RMI1: variants seen among roughly 807,000 people sequenced by gnomAD.
RMI1 encodes the protein RecQ mediated genome instability 1, also known as recQ-mediated genome instability protein 1.
Under a neutral mutation model 46.7 loss-of-function variants are expected in RMI1, and 36 were observed. The ratio of observed to expected loss-of-function variants is 0.77; its 90% CI spans 0.59 to 1.02. The LOEUF is 1.02. Ranked by LOEUF, RMI1 falls within the 50% of genes least tolerant of loss-of-function variation. The pLI is 0.00. For missense variants in RMI1, 676 were observed against 713.7 expected, an observed-to-expected ratio of 0.95 and a Z score of 0.60; for synonymous variants, 250 against 252.9, an observed-to-expected ratio of 0.99 and a Z score of 0.11.
chr9:84,001,132 A>G lies in RMI1; in HGVS notation c.146A>G (p.Asn49Ser). ...NNVNLSQAQM[N>S]KQVFEQWLLT... ...GTTAACTTGAGTCAGGCCCAAATGAATAAACAAGTGTTTGAGCAGTGGCTC... is the reference window on the plus strand; with the variant it reads ...GTTAACTTGAGTCAGGCCCAAATGAGTAAACAAGTGTTTGAGCAGTGGCTC... The change falls in exon 3 of 3, where the codon AAT becomes AGT. Residue 49 changes from asparagine to serine, a missense_variant. Asn to Ser is a conservative substitution (Grantham distance 46). Coordinates refer to ENST00000445877, the MANE Select transcript of RMI1 (RefSeq NM_001358291.2). 1 of 1,614,156 alleles carries G rather than the reference A, an allele frequency of 6.2e-7. No individual in the cohort carries two copies.
At chr9:83,985,112 T>C (rs956999258) in intron 1 of RMI1, among the ~76,000 whole-genome samples, 9 of 152,214 alleles carry the variant, frequency 5.9e-5, no homozygotes, top group African/African-American at 2.2e-4. Flanking sequence ...ATTTACCAAA[T>C]TATTAAAGGT....
At chr9:83,985,617 T>C (rs1481614607) in intron 1 of RMI1, among the ~76,000 whole-genome samples, 2 of 152,234 alleles carry the variant, frequency 1.3e-5, no homozygotes, top group Non-Finnish European at 2.9e-5. Context: ...GACTGACACA[T>C]TTAATGGAAC....
chr9:84,000,758 A>G (rs1274883407), intron 2 of RMI1, among the ~76,000 whole-genome samples, 193 bp from the exon 3 acceptor site: 1 of 152,152 alleles, frequency 6.6e-6, no homozygotes, highest in Non-Finnish European at 1.5e-5. Flanking sequence ...TTTCAAACCT[A>G]GGTATAGCTG....
intron 1 of RMI1, among the ~76,000 whole-genome samples, chr9:83,988,684 A>C (rs1957527064): frequency 6.6e-6 from 1 of 152,208 alleles, no homozygotes; most frequent in Non-Finnish European, 1.5e-5. Flanking sequence ...AGCAATGAGA[A>C]TTCTAGTACT....
At chr9:83,991,319 T>TA (rs397937357) in intron 1 of RMI1, among the ~76,000 whole-genome samples, 7 of 151,824 alleles carry the variant, frequency 4.6e-5, no homozygotes, top group African/African-American at 1.7e-4. Flanking sequence ...TTTTTTTTTT[T>TA]AACTAATATT....
intron 1 of RMI1, among the ~76,000 whole-genome samples, chr9:83,992,272 A>G (rs930885430): frequency 6.6e-6 from 1 of 152,202 alleles, no homozygotes; most frequent in Non-Finnish European, 1.5e-5. Flanking sequence ...GTTTAAAGAC[A>G]CCTCATTTAA....
At chr9:83,987,468 C>G (rs1564079454) in intron 1 of RMI1, among the ~76,000 whole-genome samples, 1 of 152,126 alleles carries the variant, frequency 6.6e-6, no homozygotes, top group Non-Finnish European at 1.5e-5. Flanking sequence ...CATTTCTATT[C>G]TTTTGGTGTT....
At chr9:83,990,685 T>C (rs1449622197) in intron 1 of RMI1, among the ~76,000 whole-genome samples, 1 of 152,200 alleles carries the variant, frequency 6.6e-6, no homozygotes, top group Non-Finnish European at 1.5e-5. Context: ...GATTTGATCA[T>C]TACACACTGT....
At chr9:84,000,131 A>G (rs1957716910) in intron 2 of RMI1, among the ~76,000 whole-genome samples, 1 of 152,190 alleles carries the variant, frequency 6.6e-6, no homozygotes, top group African/African-American at 2.4e-5. Context: ...AATTAGAACT[A>G]TTGCACATAC....
chr9:83,997,100 A>AT (rs1957666743), intron 1 of RMI1, among the ~76,000 whole-genome samples: 1 of 92,706 alleles, frequency 1.1e-5, no homozygotes, highest in East Asian at 3.5e-4. Context: ...TAAGTCCAAC[A>AT]CCCCCCCCTT....
At chr9:83,992,186 G>A (rs1011840146) in intron 1 of RMI1, among the ~76,000 whole-genome samples, 1 of 152,150 alleles carries the variant, frequency 6.6e-6, no homozygotes, top group Non-Finnish European at 1.5e-5. Context: ...TTTCAGCATA[G>A]TGTTTGCCTT....
At chr9:83,981,452 C>CT (rs1340770314) in intron 1 of RMI1, among the ~76,000 whole-genome samples, 2 of 152,200 alleles carry the variant, frequency 1.3e-5, no homozygotes, top group African/African-American at 2.4e-5. Context: ...AAACGTGCTC[C>CT]TGTTCTAGCG....
intron 1 of RMI1, among the ~76,000 whole-genome samples, chr9:83,981,772 A>C (rs1384434121): frequency 2.6e-5 from 4 of 152,194 alleles, no homozygotes; most frequent in Non-Finnish European, 5.9e-5. Context: ...TCCTGTTATA[A>C]TGTTTCCTTC....
intron 1 of RMI1, among the ~76,000 whole-genome samples, chr9:83,985,825 G>A (rs1957481748): frequency 6.6e-6 from 1 of 152,132 alleles, no homozygotes. Context: ...TGGCTAACAC[G>A]GGGAAACCCC....
At chr9:83,992,166 A>T (rs1957584456) in intron 1 of RMI1, among the ~76,000 whole-genome samples, 1 of 152,134 alleles carries the variant, frequency 6.6e-6, no homozygotes, top group Non-Finnish European at 1.5e-5. Flanking sequence ...TTTAATCTGT[A>T]ATTTATAGTT....
At chr9:83,984,370 A>G (rs937452241) in intron 1 of RMI1, among the ~76,000 whole-genome samples, 2 of 151,314 alleles carry the variant, frequency 1.3e-5, no homozygotes, top group African/African-American at 4.9e-5. Context: ...CCTGGGTTCA[A>G]ACGATTCTCC....
chr9:84,000,008 G>A (rs1249077894), intron 2 of RMI1, among the ~76,000 whole-genome samples: 1 of 152,094 alleles, frequency 6.6e-6, no homozygotes, highest in Non-Finnish European at 1.5e-5. Flanking sequence ...CAACAAATAA[G>A]ATGCTTTACA....
chr9:83,994,605 A>ACT (rs536675328), intron 1 of RMI1, among the ~76,000 whole-genome samples: 30 of 152,098 alleles, frequency 2.0e-4, no homozygotes, highest in Non-Finnish European at 3.8e-4. Context: ...TTGACCAGAT[A>ACT]CTTCCTGGGA....
intron 1 of RMI1, among the ~76,000 whole-genome samples, chr9:83,989,665 G>GTC (rs1554705236): frequency 9.0e-5 from 1 of 11,062 alleles, no homozygotes; most frequent in Admixed American, 8.9e-4. Flanking sequence ...CTATCAAAAA[G>GTC]ACAAAAAAAA....
Sources: gnomAD v4.1 joint callset for allele counts (sites outside exome capture counted in the v4.1 genomes callset) on GRCh38, gnomAD v4.1.1 for gene constraint, MANE v1.5 for transcripts, NCBI Gene and HGNC (gene_info 2026-07-23, HGNC 2026-07-21) for gene names.